The following ITIH3 variants were observed in gnomAD, a reference collection of about 807,000 sequenced individuals.
The protein encoded by ITIH3 is inter-alpha-trypsin inhibitor heavy chain H3.
A neutral mutation model predicts 96.5 loss-of-function variants in ITIH3; 81 were observed. The observed-to-expected ratio is 0.84, with a 90% confidence interval of 0.70 to 1.01. The LOEUF (loss-of-function observed/expected upper bound fraction) is 1.01. ITIH3 is among the 50% of genes least tolerant of loss of function. ITIH3 has a pLI of 0.00. For missense variants in ITIH3, 1,057 were observed against 1,139.3 expected, an observed-to-expected ratio of 0.93 and a Z score of 1.04; for synonymous variants, 422 against 445.2, an observed-to-expected ratio of 0.95 and a Z score of 0.66.
rs531503965 is a variant in ITIH3, at chr3:52,794,950, C to G, written c.93+54C>G. ...GTCTTGGTGTGGAATGGGCAGAAGG[C>G]ATCATGCTGGGCAAGGCCTCTGAGT... On this transcript the variant is annotated intron_variant, in intron 1 of 21. Transcript: ENST00000449956. 513 of 1,416,504 alleles carry G rather than the reference C, an allele frequency of 3.6e-4. 3 individuals are homozygous for G. The highest frequency in any genetic ancestry group is 3.6e-5 in the Non-Finnish European group (36 of 1,001,028). The allele number at this position is 1,416,504 out of a possible 1,614,324, so 87.7% of individuals were successfully genotyped here. A position where few individuals can be genotyped will look rare whatever the true frequency, so the allele number is the denominator to read the frequency against.
chr3:52,804,708 C>T lies in ITIH3; in HGVS notation c.1865-18C>T. 1 of 1,580,394 alleles carries T rather than the reference C, an allele frequency of 6.3e-7. No individual in the cohort carries two copies. The highest frequency in any genetic ancestry group is 1.2e-5 in the South Asian group (1 of 86,106). On this transcript the variant is annotated intron_variant, in intron 14 of 21. Transcript: ENST00000449956. ...CTTCTAATGCATTTCTCTTCTTCCT[C>T]CCTTGCTGCACCTGCAGATGCAGAA... is the stretch of plus-strand genomic sequence containing the variant.
chr3:52,796,107 G>C (rs887063845), intron 2 of ITIH3: 1 of 253,730 alleles, frequency 3.9e-6, no homozygotes, highest in African/African-American at 2.2e-5. Flanking sequence ...GGGCTGGGCT[G>C]TGTGCTTGAG....
chr3:52,807,916 G>A lies in ITIH3; in HGVS notation c.2431G>A (p.Gly811Arg). The A allele has an allele frequency of 3.1e-6, 5 of 1,612,338 alleles. No individual in the cohort carries two copies. The highest frequency in any genetic ancestry group is 4.2e-6 in the Non-Finnish European group (5 of 1,179,212). ...GTCAGCACAGACGCATGGGCTGCTG[G>A]GTACGAAGTGTTCAGACTGCAGGCT... ...RMSAQTHGLL[G>R]QFFQPFDFKV... Residue 811 changes from glycine to arginine, a missense_variant and splice_region_variant, in exon 20 of 22, where the codon GGG (glycine) becomes AGG (arginine). Physicochemically the swap from Gly to Arg is moderately radical, Grantham distance 125 (BLOSUM62 -2). Transcript: ENST00000449956.
At chr3:52,798,879 A>T (rs1699697645) in intron 6 of ITIH3, 87 bp from the exon 7 acceptor site, 1 of 1,516,580 alleles carries the variant, frequency 6.6e-7, no homozygotes, top group Admixed American at 1.9e-5. Context: ...GTGAGGCTGC[A>T]CCTCTGCTCC....
In ITIH3 at chr3:52,803,858, G is replaced by C. The variant is rs751406248; in HGVS notation, c.1713G>C (p.Lys571Asn). ...CCTGACTGGCCCCTCCTCACAGCAA[G>C]AACGCCCATGGCGAGGAGAAGGAGA... ...LTIEQLLEKR[K>N]NAHGEEKENL... Residue 571 changes from lysine (K) to asparagine (N), a missense_variant, in exon 14 of 22, where the codon AAG becomes AAC. By Grantham distance (94) the Lys-to-Asn change is moderately conservative (BLOSUM62 0). Transcript: ENST00000449956. The C allele has an allele frequency of 6.2e-7, 1 of 1,613,954 alleles. No homozygotes were observed.
In ITIH3 at chr3:52,795,630, A is replaced by C. The variant is rs767047142; in HGVS notation, c.114+7A>C. 1.2e-6 allele frequency: 2 copies of C among 1,612,150 alleles called. No individual in the cohort carries two copies. The highest frequency in any genetic ancestry group is 3.3e-5 in the Admixed American group (2 of 59,796). ...ACGGAGCCTCCCGGAAGGGGTAAGA[A>C]CTTTCACCAGGGGGTGGGACCGAGT... On this transcript the variant is annotated splice_region_variant and intron_variant, in intron 2 of 21. Transcript: ENST00000449956.
intron 21 of ITIH3, 132 bp downstream of exon 21, chr3:52,808,353 C>A: frequency 1.9e-6 from 2 of 1,042,750 alleles, no homozygotes; most frequent in Non-Finnish European, 2.8e-6. Context: ...GAGGTCTTGG[C>A]CCCTCCCAGG....
In ITIH3 at chr3:52,806,932, C is replaced by T. The variant is rs1559474289; in HGVS notation, c.2088C>T (p.Asp696=). The T allele has an allele frequency of 1.3e-6, 2 of 1,591,338 alleles. No homozygotes were observed. Among genetic ancestry groups the T allele is most frequent in the Non-Finnish European group, 1.7e-6 (2 of 1,168,870 alleles). ...GLTVNGQITG[D]KRGSPDSKTR... The stretch of plus-strand genomic sequence containing the variant: ...CAGTTAATGGGCAGATCACTGGCGA[C>T]AAGAGAGGCAGCCCTGACTCCAAGA... The change falls in exon 19 of 22, where the codon GAC becomes GAT. Residue 696 remains aspartate (D), a synonymous_variant. Coordinates refer to ENST00000449956, the MANE Select transcript of ITIH3 (RefSeq NM_002217.4).
Position 52,794,886 on chromosome 3 carries a change from G to A in ITIH3, c.83G>A (p.Arg28Gln), listed in dbSNP as rs768027400. The change falls in exon 1 of 22, where the codon CGG (arginine) becomes CAG (glutamine). Residue 28 changes from arginine to glutamine, a missense_variant. By Grantham distance (43) the Arg-to-Gln change is conservative. Coordinates refer to ENST00000449956, the MANE Select transcript of ITIH3 (RefSeq NM_002217.4). ...AASGFPRSPF[R>Q]LLGKRSLPEG... ...TCTGGCTTCCCGAGAAGCCCCTTTC[G>A]GCTGCTTGGGGTGAGTCTGCCCCCT... The A allele has an allele frequency of 1.2e-5, 20 of 1,613,550 alleles. No homozygotes were observed. The highest frequency in any genetic ancestry group is 5.3e-5 in the African/African-American group (4 of 74,900).
At chr3:52,799,193 C>G in intron 7 of ITIH3, 102 bp downstream of exon 7, 1 of 1,446,368 alleles carries the variant, frequency 6.9e-7, no homozygotes, top group Non-Finnish European at 9.5e-7. Flanking sequence ...CAGCCCAAGG[C>G]TGTTTTCCTG....
intron 5 of ITIH3, 68 bp downstream of exon 5, chr3:52,797,335 C>G (rs1465040247): frequency 3.4e-6 from 5 of 1,489,284 alleles, no homozygotes; most frequent in Non-Finnish European, 4.6e-6. Flanking sequence ...ATGGGGCAGT[C>G]TCAGACAGGG....
rs1578755726 is a variant in ITIH3 at position 52,800,596 on chromosome 3, G to A, written c.1134G>A (p.Glu378=). 6.3e-6 allele frequency: 10 copies of A among 1,575,320 alleles called. No homozygotes were observed. In the East Asian group the frequency reaches 2.3e-4, roughly 37 times the overall value. Residue 378 remains glutamate (E), a synonymous_variant, in exon 10 of 22, where the codon GAG becomes GAA. Coordinates refer to ENST00000449956, the MANE Select transcript of ITIH3 (RefSeq NM_002217.4). ...RGISMLNKAR[E]EHRIPERSTS... ...TCAGTATGCTGAACAAGGCCCGAGA[G>A]GAGCACAGAATCCCAGAGAGGAGCA...
chr3:52,806,485 C>A, intron 18 of ITIH3, 79 bp downstream of exon 18: 2 of 1,053,684 alleles, frequency 1.9e-6, no homozygotes, highest in South Asian at 1.5e-5. Context: ...GCACAGGGAA[C>A]AGGTTCTCAC....
intron 19 of ITIH3, 59 bp from the exon 20 acceptor site, chr3:52,807,688 C>T: frequency 6.5e-7 from 1 of 1,540,742 alleles, no homozygotes; most frequent in African/African-American, 1.4e-5. Flanking sequence ...GCCCTTGAGT[C>T]AGATGCCCAG....
intron 1 of ITIH3, 70 bp downstream of exon 1, chr3:52,794,966 G>A: frequency 8.0e-7 from 1 of 1,255,958 alleles, no homozygotes; most frequent in Non-Finnish European, 1.2e-6. Context: ...GCTGGGCAAG[G>A]CCTCTGAGTG....
Position 52,797,936 on chromosome 3 carries a change from G to A in ITIH3, c.663+6G>A, listed in dbSNP as rs1278529990. 4.5e-6 allele frequency: 7 copies of A among 1,545,264 alleles called. 1 individual carries two copies. In the South Asian group the frequency reaches 5.9e-5, roughly 13 times the overall value. On this transcript the variant is annotated splice_donor_region_variant and intron_variant, in intron 6 of 21. Coordinates refer to ENST00000449956, the MANE Select transcript of ITIH3 (RefSeq NM_002217.4). ...AGTCCTTCTCAGGGAAAAAGGTGAT[G>A]TAGATGCCTCTCAGACCTGGTGGGG... is the stretch of plus-strand genomic sequence containing the variant.
At chr3:52,802,908 C>T in intron 13 of ITIH3, 102 bp downstream of exon 13, 1 of 1,360,030 alleles carries the variant, frequency 7.4e-7, no homozygotes, top group South Asian at 1.3e-5. Flanking sequence ...CTTCTTGGGC[C>T]AGCCCAGGAA....
intron 10 of ITIH3, 56 bp from the exon 11 acceptor site, chr3:52,800,909 G>C (rs1699806676): frequency 1.2e-6 from 2 of 1,606,162 alleles, no homozygotes; most frequent in Non-Finnish European, 8.5e-7. Context: ...AGACAGAGCT[G>C]GTCTAGACCA....
chr3:52,794,939 T>C, intron 1 of ITIH3, 43 bp downstream of exon 1: 1 of 1,485,216 alleles, frequency 6.7e-7, no homozygotes, highest in East Asian at 2.3e-5. Context: ...TGGTGTGGAA[T>C]GGGCAGAAGG....
Sources: gnomAD v4.1 joint callset for allele counts on GRCh38, gnomAD v4.1.1 for gene constraint, MANE v1.5 for transcripts, NCBI Gene and HGNC (gene_info 2026-07-23, HGNC 2026-07-21) for gene names.